The following SAMD12 variants were observed in gnomAD, a reference collection of about 807,000 sequenced individuals.
SAMD12 encodes the protein sterile alpha motif domain-containing protein 12.
SAMD12 carries 9 observed loss-of-function variants against 15.0 expected under a neutral mutation model. The ratio of observed to expected loss-of-function variants is 0.60; its 90% CI spans 0.36 to 1.05. The LOEUF (loss-of-function observed/expected upper bound fraction) is 1.05. Ranked by LOEUF, SAMD12 falls within the 50% of genes least tolerant of loss-of-function variation. The pLI is 0.01. For synonymous variants in SAMD12, 86 were observed against 90.1 expected, an observed-to-expected ratio of 0.96 and a Z score of 0.25; for missense variants, 230 against 234.2, an observed-to-expected ratio of 0.98 and a Z score of 0.12.
intron 1 of SAMD12, among the ~76,000 whole-genome samples, chr8:118,605,373 A>G (rs1253248404): frequency 6.6e-6 from 1 of 152,224 alleles, no homozygotes; most frequent in Admixed American, 6.5e-5. Flanking sequence ...ATCAACAACT[A>G]TTAAGATTTG....
chr8:118,216,813 A>T (rs1454453131), intron 4 of SAMD12, among the ~76,000 whole-genome samples: 1 of 151,494 alleles, frequency 6.6e-6, no homozygotes. Context: ...TAAGTAATAA[A>T]GCTTATTCTC....
chr8:118,203,669 T>A (rs2129784138), intron 4 of SAMD12, among the ~76,000 whole-genome samples: 1 of 152,142 alleles, frequency 6.6e-6, no homozygotes, highest in East Asian at 1.9e-4. Context: ...GATATGTTGG[T>A]GTGCTGCACC....
chr8:118,353,843 A>G lies in SAMD12; in HGVS notation c.433+25717T>C, dbSNP rs1818086091. On this transcript the variant is annotated intron_variant, in intron 4 of 4. Coordinates refer to the SAMD12 transcript ENST00000409003. ...AGCTTCTGGATGCATTTAGCCAGTG[A>G]GTGGTATCAGTGGGAGGCAGGAGGT... 1.3e-5 allele frequency among the ~76,000 whole-genome samples: 2 copies of G among 151,920 alleles called. 1 individual carries two copies. The highest frequency in any genetic ancestry group is 4.2e-4 in the South Asian group (2 of 4,812).
At chr8:118,266,294 C>A (rs1376386252) in intron 4 of SAMD12, among the ~76,000 whole-genome samples, 1 of 152,166 alleles carries the variant, frequency 6.6e-6, no homozygotes, top group Non-Finnish European at 1.5e-5. Context: ...CAAACCATAT[C>A]ACACCTCATA....
chr8:118,264,910 C>A (rs914544773), intron 4 of SAMD12, among the ~76,000 whole-genome samples: 3 of 152,138 alleles, frequency 2.0e-5, no homozygotes, highest in African/African-American at 4.8e-5. Context: ...TTGCTCCTTA[C>A]ATGGTGACTG....
intron 1 of SAMD12, among the ~76,000 whole-genome samples, chr8:118,585,773 C>T (rs1463768653): frequency 6.6e-6 from 1 of 152,174 alleles, no homozygotes. Flanking sequence ...CCTGGGCTCT[C>T]CAAGGCTTAG....
chr8:118,359,747 A>G (rs1818398972), intron 4 of SAMD12, among the ~76,000 whole-genome samples: 3 of 152,186 alleles, frequency 2.0e-5, no homozygotes, highest in Non-Finnish European at 4.4e-5. Context: ...ATAAGGATAA[A>G]ATGACAGTGC....
intron 2 of SAMD12, among the ~76,000 whole-genome samples, chr8:118,464,427 G>T (rs1823524859): frequency 6.6e-6 from 1 of 152,146 alleles, no homozygotes; most frequent in Non-Finnish European, 1.5e-5. Context: ...GCGTATTATA[G>T]GTTGACTGTA....
intron 2 of SAMD12, among the ~76,000 whole-genome samples, chr8:118,532,701 T>C (rs1563912906): frequency 6.6e-6 from 1 of 152,246 alleles, no homozygotes; most frequent in African/African-American, 2.4e-5. Flanking sequence ...ATCAGTTTCC[T>C]CTAGATTTTC....
chr8:118,165,383 G>A, the SAMD12 span, among the ~76,000 whole-genome samples: 1 of 151,664 alleles, frequency 6.6e-6, no homozygotes, highest in African/African-American at 2.4e-5. Context: ...GTCCTCTTGG[G>A]GCAAGCCACC....
chr8:118,421,900 AGAT>A (rs1034465582), intron 3 of SAMD12, among the ~76,000 whole-genome samples: 3 of 152,220 alleles, frequency 2.0e-5, no homozygotes, highest in African/African-American at 7.2e-5. Flanking sequence ...TCGCACTTGA[AGAT>A]GATATTCTGG....
At chr8:118,451,545 A>ATTT (rs1411794263) in intron 2 of SAMD12, among the ~76,000 whole-genome samples, 6,377 of 152,300 alleles carry the variant, frequency 0.042, 334 homozygotes, top group African/African-American at 0.13. Context: ...AGTGTTGTGA[A>ATTT]GATCAAATCA....
At chr8:118,574,810 T>A (rs1242452716) in intron 2 of SAMD12, among the ~76,000 whole-genome samples, 2 of 152,184 alleles carry the variant, frequency 1.3e-5, no homozygotes, top group Non-Finnish European at 2.9e-5. Flanking sequence ...ATATGCATTG[T>A]GTCCTTTCCT....
At chr8:118,178,023 T>A in the SAMD12 span, among the ~76,000 whole-genome samples, 1 of 152,238 alleles carries the variant, frequency 6.6e-6, no homozygotes, top group African/African-American at 2.4e-5. Context: ...CCTGAAGCCA[T>A]CATACGGTGG....
At chr8:118,154,459 G>A in the SAMD12 span, among the ~76,000 whole-genome samples, 1 of 152,124 alleles carries the variant, frequency 6.6e-6, no homozygotes, top group Non-Finnish European at 1.5e-5. Context: ...ATGACATGCT[G>A]TTCATACTGT....
At chr8:118,286,349 C>G (rs1019849702) in intron 4 of SAMD12, among the ~76,000 whole-genome samples, 1 of 152,056 alleles carries the variant, frequency 6.6e-6, no homozygotes, top group Non-Finnish European at 1.5e-5. Context: ...GTGTTGGGCA[C>G]TTCTCTCTGA....
chr8:118,350,570 C>T (rs1335526778), intron 4 of SAMD12, among the ~76,000 whole-genome samples: 1 of 152,170 alleles, frequency 6.6e-6, no homozygotes, highest in African/African-American at 2.4e-5. Context: ...GACCGAAGTG[C>T]CTGCCACAGA....
intron 4 of SAMD12, among the ~76,000 whole-genome samples, chr8:118,318,026 A>G (rs35595491): frequency 0.49 from 74,141 of 151,650 alleles, 20,574 homozygotes; most frequent in African/African-American, 0.77. Flanking sequence ...AGGAGTGGTC[A>G]TTATTAAAAA....
intron 4 of SAMD12, among the ~76,000 whole-genome samples, chr8:118,332,828 C>T (rs1313767003): frequency 6.6e-6 from 1 of 152,238 alleles, no homozygotes; most frequent in African/African-American, 2.4e-5. Flanking sequence ...TTGAATCTCA[C>T]CACCATCTCT....
Sources: gnomAD v4.1 joint callset for allele counts (sites outside exome capture counted in the v4.1 genomes callset) on GRCh38, gnomAD v4.1.1 for gene constraint, MANE v1.5 for transcripts, NCBI Gene and HGNC (gene_info 2026-07-23, HGNC 2026-07-21) for gene names.